Variants in EYS observed in about 807,000 individuals in gnomAD.
EYS encodes protein eyes shut homolog.
EYS carries 250 observed loss-of-function variants against 282.1 expected under a neutral mutation model. The ratio of observed to expected loss-of-function variants is 0.89; its 90% CI spans 0.80 to 0.98. The LOEUF is 0.98. EYS is among the 50% of genes least tolerant of loss of function. The pLI, the probability that EYS is intolerant of heterozygous loss-of-function variation, is 0.00. For synonymous variants in EYS, 1,355 were observed against 1,282.9 expected (o/e 1.06, Z -1.20); for missense variants, 4,016 against 3,709.0 (o/e 1.08, Z -2.15).
chr6:63,963,044 G>A (rs1766145805), intron 35 of EYS, among the ~76,000 whole-genome samples: 1 of 150,702 alleles, frequency 6.6e-6, no homozygotes, highest in Non-Finnish European at 1.5e-5. Flanking sequence ...TCACTCATAG[G>A]TGGGAATTGA....
intron 1 of EYS, among the ~76,000 whole-genome samples, chr6:65,688,196 C>T (rs574337255): frequency 2.5e-4 from 38 of 152,214 alleles, no homozygotes; most frequent in Admixed American, 6.5e-4. Context: ...TACAAGGCTA[C>T]AGTAACCAAA....
At chr6:64,807,586 T>C (rs988844260) in intron 22 of EYS, among the ~76,000 whole-genome samples, 2 of 152,172 alleles carry the variant, frequency 1.3e-5, no homozygotes, top group Non-Finnish European at 2.9e-5. Context: ...GTCATGTAAC[T>C]TTTCTCTACT....
intron 12 of EYS, among the ~76,000 whole-genome samples, chr6:65,077,474 G>A (rs112272157): frequency 6.6e-6 from 1 of 152,046 alleles, no homozygotes. Flanking sequence ...ATGGTATTAA[G>A]AGAAAATTTA....
intron 2 of EYS, among the ~76,000 whole-genome samples, chr6:65,521,729 T>C (rs887077664): frequency 1.8e-4 from 27 of 152,200 alleles, no homozygotes; most frequent in African/African-American, 6.3e-4. Flanking sequence ...TCTTGTTTTA[T>C]CACACTTAGC....
chr6:65,042,027 CTAT>C (rs1772952480), intron 13 of EYS, among the ~76,000 whole-genome samples: 1 of 151,566 alleles, frequency 6.6e-6, no homozygotes, highest in South Asian at 2.1e-4. Context: ...AAATAAAAAC[CTAT>C]TATTATTTCT....
intron 22 of EYS, among the ~76,000 whole-genome samples, chr6:64,782,464 GC>G (rs1773890742): frequency 6.6e-6 from 1 of 152,148 alleles, no homozygotes; most frequent in South Asian, 2.1e-4. Flanking sequence ...CTCAGATACT[GC>G]CCATCTTTTA....
At chr6:65,370,598 AT>A (rs1378856640) in intron 8 of EYS, among the ~76,000 whole-genome samples, 1 of 151,476 alleles carries the variant, frequency 6.6e-6, no homozygotes, top group Admixed American at 6.7e-5. Flanking sequence ...CATAATGCAA[AT>A]TTTTTTTATG....
intron 33 of EYS, among the ~76,000 whole-genome samples, chr6:64,050,993 A>G (rs9353474): frequency 0.22 from 32,759 of 152,106 alleles, 3,767 homozygotes; most frequent in Middle Eastern, 0.34. Context: ...TTTATATTAT[A>G]AGGGGAATAC....
intron 5 of EYS, among the ~76,000 whole-genome samples, chr6:65,410,358 T>C (rs1766935620): frequency 1.3e-5 from 2 of 152,082 alleles, no homozygotes; most frequent in African/African-American, 4.8e-5. Flanking sequence ...ATAGTTAGTA[T>C]ATCTATCACC....
intron 22 of EYS, among the ~76,000 whole-genome samples, chr6:64,699,201 T>A (rs570027761): frequency 2.6e-4 from 40 of 152,184 alleles, no homozygotes; most frequent in Non-Finnish European, 4.7e-4. Flanking sequence ...AGGCTTATTA[T>A]ACTTAGCAAA....
rs752470709 is a variant in EYS, at chr6:64,076,832, A to G, written c.6571+5024T>C. Among the ~76,000 whole-genome samples the G allele has an allele frequency of 1.4e-4, 21 of 152,082 alleles. No individual in the cohort carries two copies. In the South Asian group the frequency reaches 1.7e-3, roughly 12 times the overall value. ...GGAGATGTAAGCACAGACTCCTGGT[A>G]AAATGAATCTCTGTGCAAGTTCTTA... On this transcript the variant is annotated intron_variant, in intron 32 of 42. Transcript: ENST00000503581.
chr6:65,007,776 C>T (rs9363318), intron 13 of EYS, among the ~76,000 whole-genome samples: 10,278 of 152,206 alleles, frequency 0.068, 433 homozygotes, highest in East Asian at 0.13. Flanking sequence ...GCCCAGCCAG[C>T]GTGCATGTAC....
At chr6:64,115,729 A>C (rs1773360178) in intron 31 of EYS, among the ~76,000 whole-genome samples, 1 of 152,202 alleles carries the variant, frequency 6.6e-6, no homozygotes, top group Non-Finnish European at 1.5e-5. Context: ...GTCTTGAAGA[A>C]GACTGTTCTA....
chr6:65,214,206 G>A (rs1766253966), intron 12 of EYS, among the ~76,000 whole-genome samples: 1 of 143,786 alleles, frequency 7.0e-6, no homozygotes, highest in South Asian at 2.2e-4. Context: ...AGCTGATATA[G>A]GCTGAAAAAG....
At chr6:65,447,373 AATATATGTATATAATT>A in intron 5 of EYS, among the ~76,000 whole-genome samples, 1 of 146,620 alleles carries the variant, frequency 6.8e-6, no homozygotes, top group Middle Eastern at 3.6e-3. Flanking sequence ...TATATATATA[AATATATGTATATAATT>A]ATATATATAA....
chr6:65,134,372 A>G (rs866172912), intron 12 of EYS, among the ~76,000 whole-genome samples: 2 of 152,262 alleles, frequency 1.3e-5, no homozygotes, highest in South Asian at 4.1e-4. Flanking sequence ...CAGATTGGAT[A>G]AAGAAAATGT....
At chr6:64,653,812 G>A (rs1005848149) in intron 22 of EYS, among the ~76,000 whole-genome samples, 1 of 148,360 alleles carries the variant, frequency 6.7e-6, no homozygotes, top group Non-Finnish European at 1.5e-5. Context: ...TGATCATCCC[G>A]CCTCTGCCTC....
rs1766226162 is a variant in EYS at position 65,495,492 on chromosome 6, A to C, written c.-82T>G. ...TAAGTATTACCGGAAATTTCCAAGT[A>C]AAGTTGTGGTTAAGGATTCCTGGGA... is the stretch of plus-strand genomic sequence containing the variant. On this transcript the variant is annotated 5_prime_UTR_variant, in exon 4 of 43. Coordinates refer to ENST00000503581, the MANE Select transcript of EYS (RefSeq NM_001142800.2). 3 of 1,476,620 alleles carry C rather than the reference A, an allele frequency of 2.0e-6. No individual in the cohort carries two copies. In the South Asian group the frequency reaches 3.5e-5, roughly 17 times the overall value. 91.5% of individuals were successfully genotyped at this position (1,476,620 alleles called of 1,614,324 possible). A position where few individuals can be genotyped will look rare whatever the true frequency, so the allele number is the denominator to read the frequency against.
At chr6:65,389,575 G>T (rs566574499) in intron 7 of EYS, among the ~76,000 whole-genome samples, 1 of 152,244 alleles carries the variant, frequency 6.6e-6, no homozygotes, top group Non-Finnish European at 1.5e-5. Flanking sequence ...TTGAACAAGG[G>T]TGTTAACATT....
Sources: gnomAD v4.1 joint callset for allele counts (sites outside exome capture counted in the v4.1 genomes callset) on GRCh38, gnomAD v4.1.1 for gene constraint, MANE v1.5 for transcripts, NCBI Gene and HGNC (gene_info 2026-07-23, HGNC 2026-07-21) for gene names.